Variants in GSC2 observed in about 807,000 individuals in gnomAD.
The protein encoded by GSC2 is goosecoid homeobox 2, also known as homeobox protein goosecoid-2.
In GSC2, 12 loss-of-function variants were observed where a neutral mutation model predicts 11.3. The observed-to-expected ratio is 1.06, with a 90% CI of 0.68 to 1.72. The LOEUF is 1.72. Among genes scored for constraint, GSC2 ranks in the 40% most tolerant of loss-of-function variants. The pLI, the probability that GSC2 is intolerant of heterozygous loss-of-function variation, is 0.00. For missense variants in GSC2, 310 were observed against 235.7 expected, an observed-to-expected ratio of 1.32 and a Z score of -2.06; for synonymous variants, 148 against 110.0, an observed-to-expected ratio of 1.35 and a Z score of -2.16.
At position 19,149,608 on chromosome 22, in the gene GSC2, G is replaced by T. The variant is rs564904342; in HGVS notation, c.513+55C>A. ...AGGGCGCCCGCCCGCCAGGACCCCA[G>T]TCCAGTGTAGCCGCGGCCCGCGCGC... On this transcript the variant is annotated intron_variant, in intron 2 of 2. Coordinates refer to ENST00000086933, the MANE Select transcript of GSC2 (RefSeq NM_005315.2). 1.6e-4 allele frequency: 229 copies of T among 1,464,502 alleles called. No homozygotes were observed. In the South Asian group the frequency reaches 3.0e-3, roughly 19 times the overall value. The allele number at this position is 1,464,502 out of a possible 1,614,324, so 90.7% of individuals were successfully genotyped here. A position where few individuals can be genotyped will look rare whatever the true frequency, so the allele number is the denominator to read the frequency against.
rs537718911 is a variant in GSC2, at chr22:19,148,371, C to T, written c.*620G>A. On this transcript the variant is annotated 3_prime_UTR_variant, in exon 3 of 3. Coordinates refer to ENST00000086933, the MANE Select transcript of GSC2 (RefSeq NM_005315.2). The stretch of plus-strand genomic sequence containing the variant: ...GCCAAGGTGGACTTGAGACTCTGGG[C>T]GGCTTCTGTGGTATTTGAAGTTGCT... Among the ~76,000 whole-genome samples the T allele has an allele frequency of 6.6e-6, 1 of 152,286 alleles. No homozygotes were observed. Among genetic ancestry groups the T allele is most frequent in the South Asian group, 2.1e-4 (1 of 4,826 alleles).
Position 19,149,074 on chromosome 22 carries a change from C to T in GSC2, c.535G>A (p.Ala179Thr), listed in dbSNP as rs782577421. 1.9e-6 allele frequency: 3 copies of T among 1,591,782 alleles called. No homozygotes were observed. The highest frequency in any genetic ancestry group is 2.3e-5 in the East Asian group (1 of 43,786). The change falls in exon 3 of 3, where the codon GCC becomes ACC. Residue 179 changes from alanine to threonine, a missense_variant. Physicochemically the swap from Ala to Thr is moderately conservative, Grantham distance 58. Coordinates refer to ENST00000086933, the MANE Select transcript of GSC2 (RefSeq NM_005315.2). ...RVEVWFKNRR[A>T]KWRHQKRASA... is the part of the protein sequence containing the mutation. Reference sequence around the variant, plus strand: ...GCGCGCTTCTGGTGTCGCCATTTGGCCCGGCGGTTCTTGAACCAGACCTGG... The same window carrying T: ...GCGCGCTTCTGGTGTCGCCATTTGGTCCGGCGGTTCTTGAACCAGACCTGG...
Position 19,148,782 on chromosome 22 carries a change from G to A in GSC2, c.*209C>T, listed in dbSNP as rs1028513526. On this transcript the variant is annotated 3_prime_UTR_variant, in exon 3 of 3. Transcript: ENST00000086933. ...GCCCCAGCCCACCCCCAAGGGACTC[G>A]CCACTCCCACTGCCGTGGAACACCA... 2 of 533,976 alleles carry A rather than the reference G, an allele frequency of 3.7e-6. No individual in the cohort carries two copies. The highest frequency in any genetic ancestry group is 2.0e-5 in the African/African-American group (1 of 50,984). 33.1% of individuals were successfully genotyped at this position (533,976 alleles called of 1,614,324 possible). A position where few individuals can be genotyped will look rare whatever the true frequency, so the allele number is the denominator to read the frequency against.
chr22:19,149,231 C>T (rs2083811327), intron 2 of GSC2, 136 bp from the exon 3 acceptor site: 2 of 565,388 alleles, frequency 3.5e-6, no homozygotes, highest in Admixed American at 3.7e-5. Context: ...ACACCCGGGC[C>T]GCGGCTGCGC....
chr22:19,147,106 G>A lies in GSC2; in HGVS notation c.*1885C>T, dbSNP rs2083796448. On this transcript the variant is annotated 3_prime_UTR_variant, in exon 3 of 3. Transcript: ENST00000086933. ...AGGGGTCCAGGGACCAGTTTCGGGTGGGCGGCTAGCTCTCTGGCTCATGTG... is the reference window on the plus strand; with the variant it reads ...AGGGGTCCAGGGACCAGTTTCGGGTAGGCGGCTAGCTCTCTGGCTCATGTG... Among the ~76,000 whole-genome samples, 1 of 152,190 alleles carries A rather than the reference G, an allele frequency of 6.6e-6. No homozygotes were observed. Among genetic ancestry groups the A allele is most frequent in the Non-Finnish European group, 1.5e-5 (1 of 68,040 alleles).
Position 19,147,078 on chromosome 22 carries a change from G to A in GSC2, c.*1913C>T, listed in dbSNP as rs1269369675. Among the ~76,000 whole-genome samples the A allele has an allele frequency of 1.3e-5, 2 of 152,174 alleles. No homozygotes were observed. The highest frequency in any genetic ancestry group is 2.4e-5 in the African/African-American group (1 of 41,436). On this transcript the variant is annotated 3_prime_UTR_variant, in exon 3 of 3. Coordinates refer to ENST00000086933, the MANE Select transcript of GSC2 (RefSeq NM_005315.2). ...CTGGGTATAGTGGATGATCAGGAGA[G>A]GGAGGGGTCCAGGGACCAGTTTCGG... is the stretch of plus-strand genomic sequence containing the variant.
rs1321699434 is a variant in GSC2, at chr22:19,150,059, CGCCGCGCGGGG to C, written c.214_224del (p.Pro72AlafsTer77). The C allele has an allele frequency of 8.4e-5, 84 of 1,000,206 alleles. No individual in the cohort carries two copies. Among genetic ancestry groups the C allele is most frequent in the Non-Finnish European group, 9.3e-5 (78 of 841,416 alleles). The allele number at this position is 1,000,206 out of a possible 1,614,324, so 62.0% of individuals were successfully genotyped here. A position where few individuals can be genotyped will look rare whatever the true frequency, so the allele number is the denominator to read the frequency against. The stretch of plus-strand genomic sequence containing the variant: ...CGGCCGCCTCTGGGGGCCCGCAGGG[CGCCGCGCGGGG>C]GCCGCAGCAGCAGCAGCAGGCGCAG... On this transcript the variant is annotated frameshift_variant, in exon 1 of 3. Coordinates refer to ENST00000086933, the MANE Select transcript of GSC2 (RefSeq NM_005315.2). LOFTEE classifies it high-confidence loss of function.
Position 19,149,729 on chromosome 22 carries a change from C to A in GSC2, c.447G>T (p.Gln149His). The change falls in exon 2 of 3, where the codon CAG (glutamine) becomes CAT (histidine). Residue 149 changes from glutamine to histidine, a missense_variant. Physicochemically the swap from Gln to His is conservative, Grantham distance 24 (BLOSUM62 0). Coordinates refer to ENST00000086933, the MANE Select transcript of GSC2 (RefSeq NM_005315.2). ...QALEALFVQN[Q>H]YPDVSTRERL... ...GCTCGCGCGTACTCACGTCAGGATA[C>A]TGGTTCTGCACGAAAAGCGCCTCGA... 6.3e-7 allele frequency: 1 copy of A among 1,592,702 alleles called. No homozygotes were observed. The highest frequency in any genetic ancestry group is 8.5e-7 in the Non-Finnish European group (1 of 1,171,618).
Position 19,148,814 on chromosome 22 carries a change from G to A in GSC2, c.*177C>T. On this transcript the variant is annotated 3_prime_UTR_variant, in exon 3 of 3. Coordinates refer to ENST00000086933, the MANE Select transcript of GSC2 (RefSeq NM_005315.2). ...CCACTGCCGTGGAACACCAAGCACC[G>A]GGGGCCCGTCCCCAGCGCCACGGCA... 1 of 537,694 alleles carries A rather than the reference G, an allele frequency of 1.9e-6. No individual in the cohort carries two copies. The highest frequency in any genetic ancestry group is 2.5e-5 in the South Asian group (1 of 40,426). The allele number at this position is 537,694 out of a possible 1,614,324, so 33.3% of individuals were successfully genotyped here.
chr22:19,149,851 C>T lies in GSC2; in HGVS notation c.325G>A (p.Gly109Arg), dbSNP rs1555918107. The T allele has an allele frequency of 2.0e-6, 3 of 1,511,840 alleles. No homozygotes were observed. The Admixed American group carries it at 6.4e-5, about 32-fold the overall frequency. 93.7% of individuals were successfully genotyped at this position (1,511,840 alleles called of 1,614,324 possible). Residue 109 changes from glycine to arginine, a missense_variant, in exon 2 of 3, where the codon GGA becomes AGA. By Grantham distance (125) the Gly-to-Arg change is moderately radical. Coordinates refer to ENST00000086933, the MANE Select transcript of GSC2 (RefSeq NM_005315.2). The part of the protein sequence containing the change: ...AVPLSLGAPA[G>R]GSGALPGAVG... ...GCGCCCGGGAGCGCCCCGGAACCTC[C>T]GGCTGGCGCACCCAGAGACAAGGGC...
chr22:19,148,863 C>CTGTGG lies in GSC2; in HGVS notation c.*123_*127dup, dbSNP rs1555917794. 6.7e-6 allele frequency: 4 copies of CTGTGG among 599,818 alleles called. No individual in the cohort carries two copies. Among genetic ancestry groups the CTGTGG allele is most frequent in the Non-Finnish European group, 8.9e-6 (3 of 337,918 alleles). 37.2% of individuals were successfully genotyped at this position (599,818 alleles called of 1,614,324 possible). On this transcript the variant is annotated 3_prime_UTR_variant, in exon 3 of 3. Coordinates refer to ENST00000086933, the MANE Select transcript of GSC2 (RefSeq NM_005315.2). ...CAGCACGAGCTGCAGGAGGCAAGGG[C>CTGTGG]TGTGGAGACGGGTGGAGGCGGCCGG...
In GSC2 at chr22:19,150,202, T is replaced by C. The variant is rs1319641442; in HGVS notation, c.82A>G (p.Ser28Gly). Reference sequence around the variant, plus strand: ...GCCGGGAGGCTCCGCTCGGGCAGGCTGGAGAGGATGTGCTCGATGGAGAAG... The same window carrying C: ...GCCGGGAGGCTCCGCTCGGGCAGGCCGGAGAGGATGTGCTCGATGGAGAAG... ...CPFSIEHILS[S>G]LPERSLPARA... Residue 28 changes from serine (S) to glycine (G), a missense_variant, in exon 1 of 3, where the codon AGC (serine) becomes GGC (glycine). Ser to Gly is a moderately conservative substitution (Grantham distance 56, BLOSUM62 0). Coordinates refer to ENST00000086933, the MANE Select transcript of GSC2 (RefSeq NM_005315.2). 7.1e-6 allele frequency: 3 copies of C among 423,754 alleles called. No homozygotes were observed. Among genetic ancestry groups the C allele is most frequent in the Non-Finnish European group, 1.0e-5 (3 of 295,744 alleles). The allele number at this position is 423,754 out of a possible 1,614,324, so 26.2% of individuals were successfully genotyped here.
At chr22:19,149,275 G>A (rs1555917897) in intron 2 of GSC2, among the ~76,000 whole-genome samples, 180 bp from the exon 3 acceptor site, 2 of 152,322 alleles carry the variant, frequency 1.3e-5, no homozygotes, top group African/African-American at 4.8e-5. Context: ...GACAGACTCG[G>A]TGGGTCTGGA....
In GSC2 at chr22:19,149,855, T is replaced by G. The variant is rs1244452267; in HGVS notation, c.321A>C (p.Pro107=). 2 of 1,506,742 alleles carry G rather than the reference T, an allele frequency of 1.3e-6. No homozygotes were observed. Among genetic ancestry groups the G allele is most frequent in the Non-Finnish European group, 1.8e-6 (2 of 1,132,006 alleles). 93.3% of individuals were successfully genotyped at this position (1,506,742 alleles called of 1,614,324 possible). A position where few individuals can be genotyped will look rare whatever the true frequency, so the allele number is the denominator to read the frequency against. ...CCGGGAGCGCCCCGGAACCTCCGGC[T>G]GGCGCACCCAGAGACAAGGGCACCG... The part of the protein sequence containing the change: ...GPAVPLSLGA[P]AGGSGALPGA... Residue 107 remains proline (P), a synonymous_variant, in exon 2 of 3, where the codon CCA becomes CCC. Transcript: ENST00000086933.
rs2083798563 is a variant in GSC2, at chr22:19,147,449, G to T, written c.*1542C>A. On this transcript the variant is annotated 3_prime_UTR_variant, in exon 3 of 3. Coordinates refer to ENST00000086933, the MANE Select transcript of GSC2 (RefSeq NM_005315.2). ...CAACACAGCCACTGAGCCCTGGAAG[G>T]TGGCGCTCCACAAGCTCTGATCGGG... 6.6e-6 allele frequency among the ~76,000 whole-genome samples: 1 copy of T among 152,178 alleles called. No homozygotes were observed. Among genetic ancestry groups the T allele is most frequent in the Non-Finnish European group, 1.5e-5 (1 of 68,032 alleles).
chr22:19,149,709 C>G lies in GSC2; in HGVS notation c.467G>C (p.Arg156Pro), dbSNP rs781784216. Residue 156 changes from arginine to proline, a missense_variant, in exon 2 of 3, where the codon CGC (arginine) becomes CCC (proline). Transcript: ENST00000086933. ...VQNQYPDVST[R>P]ERLAGRIRLR... The stretch of plus-strand genomic sequence containing the variant: ...GCGGATGCGGCCGGCCAGGCGCTCG[C>G]GCGTACTCACGTCAGGATACTGGTT... 4 of 1,578,652 alleles carry G rather than the reference C, an allele frequency of 2.5e-6. No homozygotes were observed. The highest frequency in any genetic ancestry group is 3.4e-6 in the Non-Finnish European group (4 of 1,165,488).
chr22:19,147,339 G>A lies in GSC2; in HGVS notation c.*1652C>T, dbSNP rs952941722. On this transcript the variant is annotated 3_prime_UTR_variant, in exon 3 of 3. Coordinates refer to ENST00000086933, the MANE Select transcript of GSC2 (RefSeq NM_005315.2). ...GAGAAGCGAGCGCCTGGGTGTGAGCGTGAAGGATGCCTATGTTAATAGCCT... is the reference window on the plus strand; with the variant it reads ...GAGAAGCGAGCGCCTGGGTGTGAGCATGAAGGATGCCTATGTTAATAGCCT... Among the ~76,000 whole-genome samples, 4 of 152,146 alleles carry A rather than the reference G, an allele frequency of 2.6e-5. No individual in the cohort carries two copies. The highest frequency in any genetic ancestry group is 4.8e-5 in the African/African-American group (2 of 41,428).
Position 19,150,032 on chromosome 22 carries a change from G to C in GSC2, c.252C>G (p.Ala84=). Residue 84 remains alanine (A), a synonymous_variant, in exon 1 of 3, where the codon GCC becomes GCG. Transcript: ENST00000086933. ...CGCTCCGCGCCCACTCACCCAGCCC[G>C]GCGGCCGCCTCTGGGGGCCCGCAGG... The part of the protein sequence containing the change: ...AAPCGPPEAA[A]GLGARLAWPL... 1 of 1,021,810 alleles carries C rather than the reference G, an allele frequency of 9.8e-7. No individual in the cohort carries two copies. Among genetic ancestry groups the C allele is most frequent in the Non-Finnish European group, 1.2e-6 (1 of 855,808 alleles). The allele number at this position is 1,021,810 out of a possible 1,614,324, so 63.3% of individuals were successfully genotyped here.
At position 19,150,181 on chromosome 22, in the gene GSC2, G is replaced by T; in HGVS notation, c.103C>A (p.Pro35Thr). 5.3e-6 allele frequency: 3 copies of T among 566,158 alleles called. No homozygotes were observed. Among genetic ancestry groups the T allele is most frequent in the Non-Finnish European group, 6.9e-6 (3 of 432,142 alleles). The allele number at this position is 566,158 out of a possible 1,614,324, so 35.1% of individuals were successfully genotyped here. ...ILSSLPERSL[P>T]ARAACPPQPA... ...TGCGGTGGGCAGGCGGCCCGGGCCG[G>T]GAGGCTCCGCTCGGGCAGGCTGGAG... is the stretch of plus-strand genomic sequence containing the variant. Residue 35 changes from proline (P) to threonine (T), a missense_variant, in exon 1 of 3, where the codon CCG (proline) becomes ACG (threonine). Coordinates refer to ENST00000086933, the MANE Select transcript of GSC2 (RefSeq NM_005315.2).
Sources: gnomAD v4.1 joint callset for allele counts (sites outside exome capture counted in the v4.1 genomes callset) on GRCh38, gnomAD v4.1.1 for gene constraint, MANE v1.5 for transcripts, NCBI Gene and HGNC (gene_info 2026-07-23, HGNC 2026-07-21) for gene names.